The following TAFA4 variants were observed in gnomAD, a reference collection of about 807,000 sequenced individuals.
The protein encoded by TAFA4 is TAFA chemokine like family member 4.
TAFA4 carries 20 observed loss-of-function variants against 21.1 expected under a neutral mutation model. That is an observed-to-expected ratio of 0.95 (90% CI 0.67 to 1.38). The LOEUF (loss-of-function observed/expected upper bound fraction) is 1.38. Ranked by LOEUF, TAFA4 falls within the 40% of genes most tolerant of loss-of-function variation. TAFA4 has a pLI of 0.00. For missense variants in TAFA4, 211 were observed against 180.9 expected (o/e 1.17, Z -0.95); for synonymous variants, 71 against 67.4 (o/e 1.05, Z -0.26).
chr3:68,813,324 A>T (rs1401965572), intron 3 of TAFA4, among the ~76,000 whole-genome samples: 1 of 152,156 alleles, frequency 6.6e-6, no homozygotes, highest in Non-Finnish European at 1.5e-5. Context: ...TAACTATGAG[A>T]GCAGAACTGA....
In TAFA4 at chr3:68,799,236, A is replaced by G. The variant is rs145318805; in HGVS notation, c.131-46218T>C. On this transcript the variant is annotated intron_variant, in intron 3 of 5. Coordinates refer to ENST00000295569, the MANE Select transcript of TAFA4 (RefSeq NM_182522.5). Reference sequence around the variant, plus strand: ...TTTGAGTGGCTTATAAACAACAAACATTTATTTCTTACAGTTCTGGAGGCT... The same window carrying G: ...TTTGAGTGGCTTATAAACAACAAACGTTTATTTCTTACAGTTCTGGAGGCT... Among the ~76,000 whole-genome samples, 543 of 152,286 alleles carry G rather than the reference A, an allele frequency of 3.6e-3. 4 individuals are homozygous for G. Among genetic ancestry groups the G allele is most frequent in the Non-Finnish European group, 5.9e-3 (400 of 68,012 alleles).
intron 2 of TAFA4, among the ~76,000 whole-genome samples, chr3:68,884,965 T>C (rs1575657615): frequency 6.6e-6 from 1 of 152,214 alleles, no homozygotes; most frequent in East Asian, 1.9e-4. Flanking sequence ...TTTCCTCTAC[T>C]GAATAAACCA....
intron 3 of TAFA4, among the ~76,000 whole-genome samples, chr3:68,843,329 T>G (rs1179625493): frequency 6.6e-6 from 1 of 151,650 alleles, no homozygotes; most frequent in African/African-American, 2.4e-5. Context: ...TGGCTCTCTG[T>G]CTATTATTGG....
At chr3:68,881,067 T>G (rs1258239158) in intron 2 of TAFA4, among the ~76,000 whole-genome samples, 1 of 152,360 alleles carries the variant, frequency 6.6e-6, no homozygotes, top group African/African-American at 2.4e-5. Context: ...GTTAGCACTA[T>G]GCATCAGTGA....
At chr3:68,913,633 G>A (rs1027964150) in intron 1 of TAFA4, 4 of 152,218 alleles carry the variant, frequency 2.6e-5, no homozygotes, top group South Asian at 2.1e-4. Flanking sequence ...GTCGTGAGCT[G>A]CTGGTATTCA....
intron 3 of TAFA4, among the ~76,000 whole-genome samples, chr3:68,772,871 T>A (rs1220412399): frequency 1.3e-5 from 2 of 152,156 alleles, no homozygotes; most frequent in Non-Finnish European, 2.9e-5. Context: ...CATCCATCCA[T>A]CCATTCACTC....
At chr3:68,873,367 C>G (rs972364788) in intron 3 of TAFA4, among the ~76,000 whole-genome samples, 5 of 145,448 alleles carry the variant, frequency 3.4e-5, no homozygotes, top group African/African-American at 1.2e-4. Context: ...CACACACACA[C>G]ACACACACAC....
intron 4 of TAFA4, among the ~76,000 whole-genome samples, chr3:68,740,841 T>C (rs952782230): frequency 6.6e-6 from 1 of 152,162 alleles, no homozygotes; most frequent in Non-Finnish European, 1.5e-5. Flanking sequence ...AAGTCACAGG[T>C]CTAACTTCAT....
intron 3 of TAFA4, among the ~76,000 whole-genome samples, chr3:68,837,660 C>T (rs1413238337): frequency 6.6e-6 from 1 of 152,030 alleles, no homozygotes; most frequent in Non-Finnish European, 1.5e-5. Context: ...ACAAGTGACC[C>T]TAGGATATCA....
At chr3:68,789,736 A>G (rs1703328514) in intron 3 of TAFA4, among the ~76,000 whole-genome samples, 1 of 152,210 alleles carries the variant, frequency 6.6e-6, no homozygotes, top group African/African-American at 2.4e-5. Context: ...AGTTTCAACT[A>G]GTGCCTGACA....
intron 3 of TAFA4, among the ~76,000 whole-genome samples, chr3:68,768,177 G>A (rs62254087): frequency 0.33 from 49,754 of 151,946 alleles, 8,686 homozygotes; most frequent in Non-Finnish European, 0.39. Context: ...AGAGATGACC[G>A]CAGAATGGGA....
At chr3:68,810,860 G>A (rs1054506168) in intron 3 of TAFA4, among the ~76,000 whole-genome samples, 3 of 152,184 alleles carry the variant, frequency 2.0e-5, no homozygotes, top group Non-Finnish European at 4.4e-5. Context: ...ATCTGAGAAC[G>A]GACAGACTGC....
At chr3:68,919,373 T>C (rs1471873211) in intron 1 of TAFA4, among the ~76,000 whole-genome samples, 1 of 152,202 alleles carries the variant, frequency 6.6e-6, no homozygotes, top group African/African-American at 2.4e-5. Flanking sequence ...CACTTACTTA[T>C]CACCTTATTT....
At chr3:68,898,391 G>C (rs990682293) in intron 1 of TAFA4, among the ~76,000 whole-genome samples, 2 of 152,234 alleles carry the variant, frequency 1.3e-5, no homozygotes, top group African/African-American at 4.8e-5. Context: ...TGTGGCTCAT[G>C]CCTGTAATCC....
intron 3 of TAFA4, among the ~76,000 whole-genome samples, chr3:68,791,645 CTT>C (rs1479446974): frequency 6.6e-6 from 1 of 152,156 alleles, no homozygotes; most frequent in Non-Finnish European, 1.5e-5. Context: ...AAATAAATGA[CTT>C]TGTTTCTGTC....
chr3:68,746,268 G>A (rs767392289), intron 4 of TAFA4, among the ~76,000 whole-genome samples: 2 of 152,028 alleles, frequency 1.3e-5, no homozygotes, highest in Admixed American at 1.3e-4. Context: ...AGCCACTTGT[G>A]GGAATTCACC....
At chr3:68,838,685 A>G (rs933128531) in intron 3 of TAFA4, among the ~76,000 whole-genome samples, 1 of 152,212 alleles carries the variant, frequency 6.6e-6, no homozygotes, top group African/African-American at 2.4e-5. Context: ...AAATGTAAAA[A>G]TCATTCTTCA....
intron 3 of TAFA4, among the ~76,000 whole-genome samples, chr3:68,855,141 C>G (rs996162292): frequency 1.3e-5 from 2 of 152,130 alleles, no homozygotes; most frequent in African/African-American, 2.4e-5. Context: ...TTATACAACT[C>G]AACTCAAAAC....
chr3:68,782,548 C>T (rs1018449990), intron 3 of TAFA4, among the ~76,000 whole-genome samples: 1 of 151,892 alleles, frequency 6.6e-6, no homozygotes, highest in Non-Finnish European at 1.5e-5. Context: ...AATAAATTAT[C>T]CAGTGATTGA....
Sources: allele counts gnomAD v4.1 joint callset (sites outside exome capture counted in the v4.1 genomes callset), GRCh38; gene constraint gnomAD v4.1.1; transcripts MANE v1.5; gene names NCBI Gene and HGNC (gene_info 2026-07-23, HGNC 2026-07-21).